The following KIF23 variants were observed in gnomAD, a reference collection of about 807,000 sequenced individuals.
The protein encoded by KIF23 is kinesin family member 23.
A neutral mutation model predicts 137.5 loss-of-function variants in KIF23; 30 were observed. The ratio of observed to expected loss-of-function variants is 0.22; its 90% CI spans 0.16 to 0.30. KIF23 has a LOEUF of 0.30. Among genes scored for constraint, KIF23 ranks in the 10% least tolerant of loss-of-function variants. The probability of loss-of-function intolerance (pLI) is 1.00; values close to 1 mark genes in which losing one functional copy is unlikely to be tolerated. For missense variants in KIF23, 920 were observed against 1,194.3 expected (o/e 0.77, Z 3.38); for synonymous variants, 367 against 391.1 (o/e 0.94, Z 0.73).
chr15:69,425,508 C>T (rs2057167922), intron 8 of KIF23, among the ~76,000 whole-genome samples, 185 bp downstream of exon 8: 1 of 152,184 alleles, frequency 6.6e-6, no homozygotes, highest in African/African-American at 2.4e-5. Context: ...GTAAATGTCT[C>T]TACCCTCACC....
chr15:69,443,041 T>C (rs1415328700), intron 19 of KIF23, among the ~76,000 whole-genome samples: 2 of 152,206 alleles, frequency 1.3e-5, no homozygotes, highest in African/African-American at 4.8e-5. Context: ...TGCTAAATGG[T>C]AGATGATAAG....
Position 69,416,009 on chromosome 15 carries a change from C to G in KIF23, c.27C>G (p.Pro9=). Residue 9 remains proline, a synonymous_variant, in exon 2 of 24, where the codon CCC becomes CCG. Transcript: ENST00000679126. MKSARAKT[P]RKPTVKKGSQ... is the part of the protein sequence containing the mutation. ...CTATGACCAGGAGAGCTAAGACACC[C>G]CGGAAACCTACCGTGAAAAAAGGGT... 1 of 1,579,330 alleles carries G rather than the reference C, an allele frequency of 6.3e-7. No individual in the cohort carries two copies. Among genetic ancestry groups the G allele is most frequent in the East Asian group, 2.3e-5 (1 of 43,560 alleles).
intron 19 of KIF23, chr15:69,443,998 CTG>C (rs2057689644): frequency 6.6e-6 from 1 of 151,594 alleles, no homozygotes; most frequent in South Asian, 2.1e-4. Flanking sequence ...TTTGTTGAGT[CTG>C]GGTTTCACCA....
At chr15:69,434,298 CCTT>C (rs1227490689) in intron 11 of KIF23, among the ~76,000 whole-genome samples, 1 of 152,190 alleles carries the variant, frequency 6.6e-6, no homozygotes, top group East Asian at 1.9e-4. Context: ...CTGGTCCATC[CCTT>C]CTAGTTCATG....
intron 7 of KIF23, among the ~76,000 whole-genome samples, 198 bp from the exon 8 acceptor site, chr15:69,425,084 A>C (rs1325407203): frequency 6.6e-6 from 1 of 152,116 alleles, no homozygotes; most frequent in East Asian, 1.9e-4. Flanking sequence ...CTGAATTCAG[A>C]TTTAATTTGT....
Position 69,429,330 on chromosome 15 carries a change from G to T in KIF23, c.1114+117G>T. Reference sequence around the variant, plus strand: ...TTTTTAATTTTTATTTTATTGAGACGGTCTTACTCTGTTACCCAGGATGGA... The same window carrying T: ...TTTTTAATTTTTATTTTATTGAGACTGTCTTACTCTGTTACCCAGGATGGA... On this transcript the variant is annotated intron_variant, in intron 11 of 23. Transcript: ENST00000679126. The T allele has an allele frequency of 5.7e-6, 4 of 696,236 alleles. No homozygotes were observed. In the East Asian group the frequency reaches 8.2e-5, roughly 14 times the overall value. The allele number at this position is 696,236 out of a possible 1,614,324, so 43.1% of individuals were successfully genotyped here. A position where few individuals can be genotyped will look rare whatever the true frequency, so the allele number is the denominator to read the frequency against.
rs1250324473 is a variant in KIF23 at position 69,435,500 on chromosome 15, C to T, written c.1132C>T (p.Leu378=). Residue 378 remains leucine (L), a synonymous_variant, in exon 12 of 24, where the codon CTA becomes TTA. Coordinates refer to ENST00000679126, the MANE Select transcript of KIF23 (RefSeq NM_001367805.3). ...TCTGTCAGGTAATATTAATCAGTCACTAATGACGCTAAGAACATGTATGGA... is the reference window on the plus strand; with the variant it reads ...TCTGTCAGGTAATATTAATCAGTCATTAATGACGCTAAGAACATGTATGGA... ...LREAGNINQS[L]MTLRTCMDVL... The T allele has an allele frequency of 6.2e-7, 1 of 1,613,732 alleles. No individual in the cohort carries two copies. Among genetic ancestry groups the T allele is most frequent in the Non-Finnish European group, 8.5e-7 (1 of 1,179,766 alleles).
intron 11 of KIF23, among the ~76,000 whole-genome samples, chr15:69,433,234 G>T (rs2057397479): frequency 6.6e-6 from 1 of 152,194 alleles, no homozygotes; most frequent in Non-Finnish European, 1.5e-5. Flanking sequence ...CTGTATTTTG[G>T]GAGGTGTATC....
Position 69,435,728 on chromosome 15 carries a change from T to A in KIF23, c.1271T>A (p.Ile424Asn). 4 of 1,614,224 alleles carry A rather than the reference T, an allele frequency of 2.5e-6. No individual in the cohort carries two copies. The highest frequency in any genetic ancestry group is 3.4e-6 in the Non-Finnish European group (4 of 1,180,036). ...GATGGGGAAGGAAAAGTGCGGATGA[T>A]CGTGTGTGTGAACCCCAAGGCTGAA... ...YFDGEGKVRMIVCVNPKAEDY... is the reference protein window; with the variant it reads ...YFDGEGKVRMNVCVNPKAEDY... Residue 424 changes from isoleucine (I) to asparagine (N), a missense_variant, in exon 13 of 24, where the codon ATC becomes AAC. Ile to Asn is a moderately radical substitution (Grantham distance 149). Around this residue, in one of 4 missense-constraint regions of KIF23, gnomAD observed 714 missense variants for 866.2 expected, o/e 0.82. Transcript: ENST00000679126.
intron 13 of KIF23, 45 bp downstream of exon 13, chr15:69,435,816 G>T (rs1244740437): frequency 1.3e-6 from 2 of 1,592,366 alleles, no homozygotes; most frequent in East Asian, 2.2e-5. Context: ...GTTTTTGTCG[G>T]GAAAACAGTT....
intron 16 of KIF23, among the ~76,000 whole-genome samples, chr15:69,438,994 A>G (rs2057549491): frequency 6.6e-6 from 1 of 151,880 alleles, no homozygotes; most frequent in Admixed American, 6.6e-5. Context: ...GCTACTCGGA[A>G]GGCTGAGATG....
chr15:69,416,949 CTAAATAAA>C (rs60029908), intron 2 of KIF23, among the ~76,000 whole-genome samples: 2 of 150,240 alleles, frequency 1.3e-5, no homozygotes, highest in African/African-American at 4.9e-5. Flanking sequence ...AACTCTGTCT[CTAAATAAA>C]TAAATAAATA....
At chr15:69,428,244 ACT>A (rs896549859) in intron 10 of KIF23, among the ~76,000 whole-genome samples, 5 of 150,902 alleles carry the variant, frequency 3.3e-5, no homozygotes, top group African/African-American at 7.3e-5. Flanking sequence ...ACAGAGTGAG[ACT>A]CTGTCTAAAA....
intron 2 of KIF23, among the ~76,000 whole-genome samples, chr15:69,417,022 A>G (rs913075755): frequency 1.3e-5 from 2 of 152,174 alleles, no homozygotes; most frequent in Non-Finnish European, 2.9e-5. Context: ...TTAAATTGAC[A>G]TCCATTTCCA....
At chr15:69,442,844 G>T (rs2057652947) in intron 19 of KIF23, among the ~76,000 whole-genome samples, 1 of 152,194 alleles carries the variant, frequency 6.6e-6, no homozygotes, top group African/African-American at 2.4e-5. Flanking sequence ...GTTACTGTAA[G>T]GTTAGTATCT....
At chr15:69,417,913 T>G (rs2056958755) in intron 3 of KIF23, among the ~76,000 whole-genome samples, 1 of 152,158 alleles carries the variant, frequency 6.6e-6, no homozygotes, top group African/African-American at 2.4e-5. Flanking sequence ...TTTAGTAAAG[T>G]TTTGAGTCAG....
chr15:69,431,700 C>T lies in KIF23; in HGVS notation c.1114+2487C>T, dbSNP rs73426089. On this transcript the variant is annotated intron_variant, in intron 11 of 23. Coordinates refer to ENST00000679126, the MANE Select transcript of KIF23 (RefSeq NM_001367805.3). ...GAGAGGAACAAGCTGAGAGCAGAAG[C>T]TTGAGGAACAGCAAGCCCTTGATTA... Among the ~76,000 whole-genome samples, 954 of 151,956 alleles carry T rather than the reference C, an allele frequency of 6.3e-3. 7 individuals carry two copies. Among genetic ancestry groups the T allele is most frequent in the African/African-American group, 0.022 (900 of 41,438 alleles).
intron 20 of KIF23, among the ~76,000 whole-genome samples, chr15:69,445,615 A>G (rs1018850122): frequency 5.9e-5 from 9 of 151,970 alleles, no homozygotes; most frequent in Non-Finnish European, 8.8e-5. Context: ...ATAATTAGCT[A>G]CAAATAAGAC....
rs559762163 is a variant in KIF23 at position 69,431,393 on chromosome 15, C to G, written c.1114+2180C>G. On this transcript the variant is annotated intron_variant, in intron 11 of 23. Transcript: ENST00000679126. ...CTTTGGGAGGCCAAGGCAGGCGGAT[C>G]ACGAGGTCAGGGGATCGAGACCATC... Among the ~76,000 whole-genome samples, 17 of 152,294 alleles carry G rather than the reference C, an allele frequency of 1.1e-4. No homozygotes were observed. The East Asian group carries it at 3.3e-3, about 29-fold the overall frequency.
Sources: gnomAD v4.1 joint callset for allele counts (sites outside exome capture counted in the v4.1 genomes callset) on GRCh38, gnomAD v4.1.1 for gene constraint, gnomAD v4.1.1 regional missense constraint, MANE v1.5 for transcripts, NCBI Gene and HGNC (gene_info 2026-07-23, HGNC 2026-07-21) for gene names.